DLG2: variants seen among roughly 807,000 people sequenced by gnomAD.
DLG2 encodes the protein disks large homolog 2.
Under a neutral mutation model 132.5 loss-of-function variants are expected in DLG2, and 45 were observed. That is an observed-to-expected ratio of 0.34 (90% CI 0.27 to 0.44). The LOEUF (loss-of-function observed/expected upper bound fraction) is 0.44, where lower values mean the gene tolerates loss of function less well. Ranked by LOEUF, DLG2 falls within the 20% of genes least tolerant of loss-of-function variation. DLG2 has a pLI of 1.00. For missense variants in DLG2, 1,045 were observed against 1,196.9 expected (o/e 0.87, Z 1.87); for synonymous variants, 424 against 419.6 (o/e 1.01, Z -0.13).
chr11:83,996,822 G>A (rs1279752922), intron 11 of DLG2, among the ~76,000 whole-genome samples: 5 of 152,182 alleles, frequency 3.3e-5, no homozygotes, highest in African/African-American at 1.2e-4. Flanking sequence ...ACTAGAGGCT[G>A]AGAAGGGTAG....
At chr11:84,796,428 A>G (rs1363754100) in intron 6 of DLG2, among the ~76,000 whole-genome samples, 1 of 152,182 alleles carries the variant, frequency 6.6e-6, no homozygotes, top group Non-Finnish European at 1.5e-5. Flanking sequence ...AGTAGTTTGC[A>G]TGCCACAGTT....
At chr11:84,503,454 A>G (rs940887843) in intron 7 of DLG2, among the ~76,000 whole-genome samples, 1 of 152,186 alleles carries the variant, frequency 6.6e-6, no homozygotes, top group Non-Finnish European at 1.5e-5. Context: ...AACTGTTTCT[A>G]ACACAGCCTG....
At chr11:83,833,541 T>G in intron 17 of DLG2, 73 bp downstream of exon 17, 2 of 1,459,770 alleles carry the variant, frequency 1.4e-6, no homozygotes, top group Non-Finnish European at 1.9e-6. Flanking sequence ...TTTGGTATCA[T>G]AATTGAAAGT....
At chr11:84,238,064 A>G (rs1235243806) in intron 8 of DLG2, among the ~76,000 whole-genome samples, 1 of 136,626 alleles carries the variant, frequency 7.3e-6, no homozygotes, top group South Asian at 2.4e-4. Context: ...AAAAAAAAAA[A>G]GAAAGAAAAG....
chr11:84,754,327 T>C (rs554873729), intron 6 of DLG2, among the ~76,000 whole-genome samples: 52 of 152,312 alleles, frequency 3.4e-4, no homozygotes, highest in African/African-American at 8.7e-4. Flanking sequence ...GTATCCTTTA[T>C]GGCATTGAAC....
At chr11:84,201,663 C>A (rs1228521573) in intron 8 of DLG2, among the ~76,000 whole-genome samples, 2 of 150,314 alleles carry the variant, frequency 1.3e-5, no homozygotes, top group Non-Finnish European at 3.0e-5. Context: ...GATACAATTT[C>A]TTCCTGGTTC....
intron 9 of DLG2, among the ~76,000 whole-genome samples, chr11:84,141,845 C>A (rs2094863085): frequency 6.6e-6 from 1 of 151,792 alleles, no homozygotes; most frequent in Admixed American, 6.6e-5. Context: ...AAATAATAAT[C>A]TCTGGAAACT....
chr11:83,886,747 T>C (rs920161438), intron 15 of DLG2, among the ~76,000 whole-genome samples: 6 of 152,080 alleles, frequency 3.9e-5, no homozygotes, highest in African/African-American at 1.2e-4. Flanking sequence ...TAACAAACTG[T>C]CTCTCAGACC....
At chr11:85,506,267 G>T (rs1309180915) in intron 3 of DLG2, among the ~76,000 whole-genome samples, 2 of 152,086 alleles carry the variant, frequency 1.3e-5, no homozygotes, top group African/African-American at 2.4e-5. Flanking sequence ...GCTTTTGAAT[G>T]TGTTTGCTCT....
Position 84,366,000 on chromosome 11 carries a change from A to C in DLG2, c.520-114709T>G, listed in dbSNP as rs545178390. Among the ~76,000 whole-genome samples the C allele has an allele frequency of 2.3e-4, 35 of 152,206 alleles. 1 individual carries two copies. In the South Asian group the frequency reaches 6.8e-3, roughly 30 times the overall value. On this transcript the variant is annotated intron_variant, in intron 7 of 27. Coordinates refer to ENST00000376104, the MANE Select transcript of DLG2 (RefSeq NM_001142699.3). Reference sequence around the variant, plus strand: ...ACTCCTCGAGAAGAGCAACTCCAAGACACATAACTGTCAGATTCACCAAAG... The same window carrying C: ...ACTCCTCGAGAAGAGCAACTCCAAGCCACATAACTGTCAGATTCACCAAAG...
intron 6 of DLG2, among the ~76,000 whole-genome samples, chr11:84,793,244 T>C (rs2074123136): frequency 6.6e-6 from 1 of 152,248 alleles, no homozygotes; most frequent in African/African-American, 2.4e-5. Flanking sequence ...TGATTTCTAG[T>C]TTGTTTTCAT....
At chr11:84,540,026 A>C (rs1448344784) in intron 6 of DLG2, among the ~76,000 whole-genome samples, 6 of 152,212 alleles carry the variant, frequency 3.9e-5, no homozygotes, top group African/African-American at 1.4e-4. Flanking sequence ...CTTACATCTT[A>C]TACCAAAATT....
intron 6 of DLG2, among the ~76,000 whole-genome samples, chr11:84,696,580 G>T (rs1395607697): frequency 1.3e-5 from 2 of 151,356 alleles, no homozygotes; most frequent in African/African-American, 4.8e-5. Context: ...GAGGTGAGTG[G>T]TGACAAACCA....
intron 7 of DLG2, among the ~76,000 whole-genome samples, chr11:84,260,746 G>A (rs560955433): frequency 1.7e-4 from 26 of 152,244 alleles, no homozygotes; most frequent in African/African-American, 5.8e-4. Flanking sequence ...ATGTCAGATG[G>A]CTAGAAGGAA....
chr11:84,381,902 G>T (rs1040154775), intron 7 of DLG2, among the ~76,000 whole-genome samples: 1 of 152,164 alleles, frequency 6.6e-6, no homozygotes, highest in Non-Finnish European at 1.5e-5. Context: ...CTGCCTGAAG[G>T]CATAGGTTTC....
At chr11:85,070,038 CA>C (rs1315912878) in intron 6 of DLG2, among the ~76,000 whole-genome samples, 8 of 151,886 alleles carry the variant, frequency 5.3e-5, no homozygotes, top group African/African-American at 1.4e-4. Context: ...TCATTCTCAG[CA>C]AACTATCGCA....
chr11:84,487,809 T>A (rs1176109429), intron 7 of DLG2, among the ~76,000 whole-genome samples: 4 of 152,032 alleles, frequency 2.6e-5, no homozygotes, highest in African/African-American at 9.7e-5. Context: ...TAAAATGGCA[T>A]TGAAAAACAG....
At chr11:85,214,297 G>C (rs2082438034) in intron 4 of DLG2, among the ~76,000 whole-genome samples, 1 of 152,074 alleles carries the variant, frequency 6.6e-6, no homozygotes. Context: ...TCCAGTGTCA[G>C]CCACTCAAGT....
chr11:84,406,116 A>G (rs143464627), intron 7 of DLG2, among the ~76,000 whole-genome samples: 1 of 151,970 alleles, frequency 6.6e-6, no homozygotes, highest in East Asian at 1.9e-4. Context: ...CTCCCCATTT[A>G]TTTTGTCCAT....
Sources: allele counts gnomAD v4.1 joint callset (sites outside exome capture counted in the v4.1 genomes callset), GRCh38; gene constraint gnomAD v4.1.1; transcripts MANE v1.5; gene names NCBI Gene and HGNC (gene_info 2026-07-23, HGNC 2026-07-21).